MACROD2: variants seen among roughly 807,000 people sequenced by gnomAD.
MACROD2 encodes ADP-ribose glycohydrolase MACROD2.
MACROD2 carries 36 observed loss-of-function variants against 70.4 expected under a neutral mutation model. That is an observed-to-expected ratio of 0.51 (90% CI 0.39 to 0.68). The LOEUF is 0.68. MACROD2 is among the 30% of genes least tolerant of loss of function. The probability of loss-of-function intolerance (pLI) is 0.00; values close to 1 mark genes in which losing one functional copy is unlikely to be tolerated. For missense variants in MACROD2, 496 were observed against 538.4 expected (o/e 0.92, Z 0.78); for synonymous variants, 172 against 178.8 (o/e 0.96, Z 0.30).
At chr20:14,734,264 C>T (rs577946096) in intron 5 of MACROD2, among the ~76,000 whole-genome samples, 3 of 151,882 alleles carry the variant, frequency 2.0e-5, no homozygotes, top group Non-Finnish European at 4.4e-5. Context: ...TTTGGGAGGC[C>T]GAGGCAGGCG....
At chr20:15,100,374 A>G (rs1191555644) in intron 5 of MACROD2, among the ~76,000 whole-genome samples, 1 of 152,198 alleles carries the variant, frequency 6.6e-6, no homozygotes, top group African/African-American at 2.4e-5. Context: ...AGCACTTAAA[A>G]TACATATCAG....
intron 4 of MACROD2, among the ~76,000 whole-genome samples, chr20:14,582,423 C>A (rs1326581936): frequency 6.6e-6 from 1 of 152,046 alleles, no homozygotes; most frequent in African/African-American, 2.4e-5. Flanking sequence ...GAGTTGGTTG[C>A]CTTAAGATCC....
intron 5 of MACROD2, among the ~76,000 whole-genome samples, chr20:15,228,929 T>A (rs1311886346): frequency 1.3e-5 from 2 of 152,240 alleles, no homozygotes; most frequent in Non-Finnish European, 2.9e-5. Context: ...TCAACACAAA[T>A]AATTTCGTTA....
intron 5 of MACROD2, among the ~76,000 whole-genome samples, chr20:15,203,970 G>C (rs770135662): frequency 6.6e-6 from 1 of 152,002 alleles, no homozygotes; most frequent in Non-Finnish European, 1.5e-5. Context: ...AGTGTGAATG[G>C]TATAAAATAT....
chr20:15,869,369 G>A (rs2064548343), intron 9 of MACROD2, among the ~76,000 whole-genome samples: 1 of 149,332 alleles, frequency 6.7e-6, no homozygotes, highest in South Asian at 2.1e-4. Context: ...TTTTATTTAA[G>A]ATGAAAAACT....
chr20:15,822,832 C>G (rs1282086339), intron 8 of MACROD2, among the ~76,000 whole-genome samples: 1 of 152,144 alleles, frequency 6.6e-6, no homozygotes, highest in African/African-American at 2.4e-5. Flanking sequence ...ACCGCAGATA[C>G]AGCAGATAAG....
At chr20:15,957,034 C>T (rs543029642) in intron 12 of MACROD2, among the ~76,000 whole-genome samples, 61 of 152,216 alleles carry the variant, frequency 4.0e-4, no homozygotes, top group African/African-American at 1.4e-3. Flanking sequence ...CAAGAAGACA[C>T]AGAAAAGGAC....
intron 2 of MACROD2, chr20:14,053,738 T>C (rs1042571491): frequency 2.0e-5 from 3 of 152,134 alleles, no homozygotes; most frequent in Admixed American, 2.0e-4. Context: ...TTGTTTCCCA[T>C]AGATAGCGTG....
At chr20:15,887,699 A>G (rs1298900368) in intron 10 of MACROD2, among the ~76,000 whole-genome samples, 1 of 152,176 alleles carries the variant, frequency 6.6e-6, no homozygotes, top group Non-Finnish European at 1.5e-5. Flanking sequence ...ATGTGAGCCT[A>G]ATGTATAATT....
At chr20:14,673,084 C>G (rs770807841) in intron 4 of MACROD2, among the ~76,000 whole-genome samples, 9 of 152,198 alleles carry the variant, frequency 5.9e-5, no homozygotes, top group Non-Finnish European at 1.2e-4. Flanking sequence ...TAATTGAAAT[C>G]CTACTTGTCA....
At chr20:14,108,181 C>T (rs1210954154) in intron 3 of MACROD2, among the ~76,000 whole-genome samples, 1 of 151,706 alleles carries the variant, frequency 6.6e-6, no homozygotes, top group Non-Finnish European at 1.5e-5. Context: ...TCAGTGTTGT[C>T]ATCAGTTTAA....
intron 8 of MACROD2, among the ~76,000 whole-genome samples, chr20:15,575,178 A>AT (rs1244916761): frequency 6.6e-6 from 1 of 152,126 alleles, no homozygotes; most frequent in Non-Finnish European, 1.5e-5. Flanking sequence ...TTGTTTTGTT[A>AT]TATTTTTTTC....
At chr20:15,665,488 A>G (rs1176640674) in intron 8 of MACROD2, among the ~76,000 whole-genome samples, 2 of 152,210 alleles carry the variant, frequency 1.3e-5, no homozygotes, top group Admixed American at 1.3e-4. Flanking sequence ...TCTGAGGAGC[A>G]TCCTAGGGAA....
chr20:15,022,188 A>C (rs1173575592), intron 5 of MACROD2, among the ~76,000 whole-genome samples: 7 of 152,050 alleles, frequency 4.6e-5, no homozygotes, highest in Non-Finnish European at 1.5e-5. Flanking sequence ...TTATGAAGCT[A>C]TTATTATTTG....
At chr20:14,190,479 G>A (rs2081375490) in intron 3 of MACROD2, among the ~76,000 whole-genome samples, 9 of 151,328 alleles carry the variant, frequency 5.9e-5, no homozygotes, top group Admixed American at 3.3e-4. Flanking sequence ...TAATTGAAAT[G>A]TGTATGAAGT....
At chr20:16,046,255 G>C (rs1041027423) in intron 17 of MACROD2, among the ~76,000 whole-genome samples, 4 of 152,112 alleles carry the variant, frequency 2.6e-5, no homozygotes, top group African/African-American at 9.7e-5. Context: ...AAATGTAATG[G>C]TATCTGTGTA....
At chr20:14,823,052 TTC>T (rs756663313) in intron 5 of MACROD2, among the ~76,000 whole-genome samples, 6 of 152,106 alleles carry the variant, frequency 3.9e-5, no homozygotes, top group Non-Finnish European at 8.8e-5. Flanking sequence ...GATGACTAGT[TTC>T]TCTGTGTCTT....
chr20:15,479,240 T>C (rs1488968627), intron 7 of MACROD2, among the ~76,000 whole-genome samples: 1 of 151,422 alleles, frequency 6.6e-6, no homozygotes, highest in Non-Finnish European at 1.5e-5. Flanking sequence ...CTGGAGGCAC[T>C]TGTTAAGTAC....
intron 8 of MACROD2, among the ~76,000 whole-genome samples, chr20:15,615,461 G>A (rs1014561192): frequency 2.6e-5 from 4 of 152,190 alleles, no homozygotes; most frequent in Non-Finnish European, 5.9e-5. Context: ...GGGTGAGAGG[G>A]AGGACACCTT....
Sources: gnomAD v4.1 joint callset for allele counts (sites outside exome capture counted in the v4.1 genomes callset) on GRCh38, gnomAD v4.1.1 for gene constraint, MANE v1.5 for transcripts, NCBI Gene and HGNC (gene_info 2026-07-23, HGNC 2026-07-21) for gene names.